MYO16: variants seen among roughly 807,000 people sequenced by gnomAD.
MYO16 encodes myosin XVI.
Under a neutral mutation model 205.3 loss-of-function variants are expected in MYO16, and 94 were observed. That is an observed-to-expected ratio of 0.46 (90% CI 0.39 to 0.54). The LOEUF (loss-of-function observed/expected upper bound fraction) is 0.54. Ranked by LOEUF, MYO16 falls within the 20% of genes least tolerant of loss-of-function variation. The pLI, the probability that MYO16 is intolerant of heterozygous loss-of-function variation, is 0.00. For missense variants in MYO16, 2,315 were observed against 2,387.5 expected, an observed-to-expected ratio of 0.97 and a Z score of 0.63; for synonymous variants, 988 against 954.0, an observed-to-expected ratio of 1.04 and a Z score of -0.66.
intron 1 of MYO16, among the ~76,000 whole-genome samples, chr13:108,633,766 A>G (rs963682757): frequency 7.9e-5 from 12 of 152,204 alleles, no homozygotes; most frequent in Non-Finnish European, 1.5e-4. Context: ...ATGCTGATGA[A>G]CACCACCTCC....
chr13:109,134,589 C>G (rs1876683666), intron 31 of MYO16, among the ~76,000 whole-genome samples: 1 of 152,202 alleles, frequency 6.6e-6, no homozygotes. Flanking sequence ...GTGTCTCTCT[C>G]TGTCTGTGTG....
chr13:109,053,614 T>C (rs1157174378), intron 25 of MYO16, among the ~76,000 whole-genome samples: 1 of 152,066 alleles, frequency 6.6e-6, no homozygotes, highest in Non-Finnish European at 1.5e-5. Flanking sequence ...CATTACTCTT[T>C]TCCCTAAAGG....
chr13:108,765,258 T>C (rs1885740795), intron 4 of MYO16, among the ~76,000 whole-genome samples: 1 of 152,162 alleles, frequency 6.6e-6, no homozygotes, highest in African/African-American at 2.4e-5. Context: ...TAAATATCAT[T>C]AAGTATTGTT....
chr13:108,502,120 G>T, the MYO16 span, among the ~76,000 whole-genome samples: 20 of 152,136 alleles, frequency 1.3e-4, no homozygotes, highest in Admixed American at 1.3e-3. Flanking sequence ...GGCTAAGACA[G>T]GAGAATTGCT....
chr13:108,600,414 A>G (rs974598974), intron 1 of MYO16, among the ~76,000 whole-genome samples: 1 of 152,188 alleles, frequency 6.6e-6, no homozygotes, highest in African/African-American at 2.4e-5. Flanking sequence ...GGTGCTTAGC[A>G]TAGTGTCCAG....
intron 32 of MYO16, among the ~76,000 whole-genome samples, chr13:109,150,456 T>C (rs1369215919): frequency 6.6e-6 from 1 of 152,162 alleles, no homozygotes; most frequent in Non-Finnish European, 1.5e-5. Context: ...GTTATGACTA[T>C]TAAATATTTA....
At chr13:108,896,329 G>A (rs1880410523) in intron 14 of MYO16, among the ~76,000 whole-genome samples, 1 of 151,762 alleles carries the variant, frequency 6.6e-6, no homozygotes, top group Non-Finnish European at 1.5e-5. Context: ...TTTCATATTA[G>A]ATTATAGGAA....
At chr13:108,990,191 A>T (rs1364095569) in intron 20 of MYO16, among the ~76,000 whole-genome samples, 1 of 150,830 alleles carries the variant, frequency 6.6e-6, no homozygotes, top group East Asian at 1.9e-4. Context: ...CACGACCAAA[A>T]CAAACAAAAA....
chr13:109,001,989 T>G (rs1045297018), intron 21 of MYO16, among the ~76,000 whole-genome samples: 1 of 152,216 alleles, frequency 6.6e-6, no homozygotes, highest in Non-Finnish European at 1.5e-5. Context: ...CACATATATA[T>G]TAACTAATGA....
At chr13:108,711,920 A>G (rs1227601355) in intron 2 of MYO16, among the ~76,000 whole-genome samples, 1 of 152,294 alleles carries the variant, frequency 6.6e-6, no homozygotes, top group Admixed American at 6.5e-5. Context: ...TAGTGGAAAC[A>G]ATTATAGTGC....
At chr13:108,936,011 G>A (rs1882460660) in intron 16 of MYO16, among the ~76,000 whole-genome samples, 1 of 151,788 alleles carries the variant, frequency 6.6e-6, no homozygotes, top group South Asian at 2.1e-4. Flanking sequence ...ACTTTTTGAT[G>A]TACTATTGAA....
intron 4 of MYO16, among the ~76,000 whole-genome samples, chr13:108,759,879 A>G (rs1885548759): frequency 6.6e-6 from 1 of 152,124 alleles, no homozygotes; most frequent in Non-Finnish European, 1.5e-5. Context: ...GATATGGAAT[A>G]TAAAAGTAAA....
chr13:108,808,604 T>A (rs1282189956), intron 7 of MYO16, among the ~76,000 whole-genome samples: 2 of 152,066 alleles, frequency 1.3e-5, no homozygotes, highest in Non-Finnish European at 2.9e-5. Flanking sequence ...TGAGCCACCA[T>A]GCCCTGCCAG....
intron 3 of MYO16, among the ~76,000 whole-genome samples, chr13:108,723,259 T>TC (rs1437644123): frequency 0.017 from 2 of 116 alleles, no homozygotes; most frequent in African/African-American, 0.031. Context: ...GATAAATGTC[T>TC]TTAACAGATG....
At chr13:108,774,928 A>G (rs1886078977) in intron 4 of MYO16, among the ~76,000 whole-genome samples, 1 of 152,196 alleles carries the variant, frequency 6.6e-6, no homozygotes, top group African/African-American at 2.4e-5. Flanking sequence ...CTTATAAAGT[A>G]CAGCATTCAG....
chr13:108,829,507 A>G (rs1876480412), intron 9 of MYO16, among the ~76,000 whole-genome samples: 1 of 152,186 alleles, frequency 6.6e-6, no homozygotes, highest in South Asian at 2.1e-4. Context: ...AACATCTAAT[A>G]TCATAAAAAA....
chr13:109,130,639 G>A (rs1176068194), intron 31 of MYO16, among the ~76,000 whole-genome samples: 2 of 152,288 alleles, frequency 1.3e-5, no homozygotes, highest in South Asian at 2.1e-4. Flanking sequence ...ATCCATGATC[G>A]CAAAGGTAGC....
chr13:109,048,984 C>G (rs1021610509), intron 24 of MYO16: 2 of 87,974 alleles, frequency 2.3e-5, no homozygotes, highest in African/African-American at 8.4e-5. Flanking sequence ...AAAAAAAAAG[C>G]CGAACTCCAG....
At position 109,055,308 on chromosome 13, in the gene MYO16, A is replaced by G; in HGVS notation, c.3130-82A>G. On this transcript the variant is annotated intron_variant, in intron 26 of 34. Coordinates refer to ENST00000457511, the MANE Select transcript of MYO16 (RefSeq NM_001198950.3). This position sits in a 1 kb window ranked among gnomAD's most constrained non-coding sequence, Gnocchi z 5.0. Reference sequence around the variant, plus strand: ...TGCATAATGAGATTTAAAGACGTAAAGACTTTTTATTTAAAAACTGCTTTA... The same window carrying G: ...TGCATAATGAGATTTAAAGACGTAAGGACTTTTTATTTAAAAACTGCTTTA... 1 of 1,209,350 alleles carries G rather than the reference A, an allele frequency of 8.3e-7. No homozygotes were observed. The highest frequency in any genetic ancestry group is 1.4e-5 in the South Asian group (1 of 70,048). 74.9% of individuals were successfully genotyped at this position (1,209,350 alleles called of 1,614,324 possible). A position where few individuals can be genotyped will look rare whatever the true frequency, so the allele number is the denominator to read the frequency against.
Sources: allele counts gnomAD v4.1 joint callset (sites outside exome capture counted in the v4.1 genomes callset), GRCh38; gene constraint gnomAD v4.1.1; non-coding constraint Gnocchi (gnomAD v3.1); transcripts MANE v1.5; gene names NCBI Gene and HGNC (gene_info 2026-07-23, HGNC 2026-07-21).